SGCZ: variants seen among roughly 807,000 people sequenced by gnomAD.
The protein encoded by SGCZ is zeta-sarcoglycan.
SGCZ carries 40 observed loss-of-function variants against 41.3 expected under a neutral mutation model. The observed-to-expected ratio is 0.97, with a 90% CI of 0.75 to 1.26. The LOEUF is 1.26. Ranked by LOEUF, SGCZ falls within the 50% of genes most tolerant of loss-of-function variation. The probability of loss-of-function intolerance (pLI) is 0.00; values close to 1 mark genes in which losing one functional copy is unlikely to be tolerated. For synonymous variants in SGCZ, 206 were observed against 137.5 expected (o/e 1.50, Z -3.49); for missense variants, 552 against 369.8 (o/e 1.49, Z -4.04).
At chr8:15,053,067 C>T (rs1363731868) in intron 1 of SGCZ, among the ~76,000 whole-genome samples, 1 of 152,094 alleles carries the variant, frequency 6.6e-6, no homozygotes. Flanking sequence ...ATACTCTAAC[C>T]CAAGCTCAGT....
intron 1 of SGCZ, among the ~76,000 whole-genome samples, chr8:14,891,418 A>C (rs1183736438): frequency 6.6e-6 from 1 of 152,230 alleles, no homozygotes; most frequent in East Asian, 1.9e-4. Flanking sequence ...GAGGAGGTAG[A>C]AAATGCAAAA....
intron 5 of SGCZ, among the ~76,000 whole-genome samples, chr8:14,163,682 G>T (rs945657916): frequency 3.9e-5 from 6 of 152,034 alleles, no homozygotes; most frequent in Non-Finnish European, 4.4e-5. Context: ...ATATGGAGAG[G>T]CAGAGGCAGG....
At chr8:14,776,915 A>G (rs1800421516) in intron 1 of SGCZ, among the ~76,000 whole-genome samples, 1 of 152,238 alleles carries the variant, frequency 6.6e-6, no homozygotes, top group Non-Finnish European at 1.5e-5. Context: ...TGTTAGAACA[A>G]TCCCTTGATG....
At chr8:14,831,806 A>ATATATGTGTACACATACATG (rs1373430116) in intron 1 of SGCZ, among the ~76,000 whole-genome samples, 2 of 134,990 alleles carry the variant, frequency 1.5e-5, no homozygotes, top group Non-Finnish European at 3.2e-5. Context: ...ACATACATGT[A>ATATATGTGTACACATACATG]TATATGTGTG....
At chr8:14,200,414 A>G (rs541942897) in intron 4 of SGCZ, among the ~76,000 whole-genome samples, 1 of 152,300 alleles carries the variant, frequency 6.6e-6, no homozygotes, top group East Asian at 1.9e-4. Context: ...TTATTTTTAT[A>G]AAGAAGAACA....
chr8:14,880,143 A>G (rs1386903835), intron 1 of SGCZ, among the ~76,000 whole-genome samples: 1 of 152,014 alleles, frequency 6.6e-6, no homozygotes, highest in Non-Finnish European at 1.5e-5. Flanking sequence ...ACCTGGCCCA[A>G]AAAATCTGCA....
chr8:14,743,136 G>C (rs540058301), intron 1 of SGCZ, among the ~76,000 whole-genome samples: 11 of 152,094 alleles, frequency 7.2e-5, no homozygotes, highest in African/African-American at 2.4e-4. Context: ...TCTAAATAAA[G>C]TCATGATTAT....
At chr8:14,533,284 G>A (rs747947943) in intron 2 of SGCZ, among the ~76,000 whole-genome samples, 1 of 151,776 alleles carries the variant, frequency 6.6e-6, no homozygotes, top group South Asian at 2.1e-4. Context: ...TACATCCAAT[G>A]TACCTTTGTA....
At chr8:14,340,033 C>G (rs1166275144) in intron 2 of SGCZ, among the ~76,000 whole-genome samples, 1 of 152,098 alleles carries the variant, frequency 6.6e-6, no homozygotes, top group Admixed American at 6.5e-5. Context: ...AGCTGACAAA[C>G]AGAATGACGT....
At chr8:14,990,657 G>A (rs1360170640) in intron 1 of SGCZ, among the ~76,000 whole-genome samples, 1 of 152,014 alleles carries the variant, frequency 6.6e-6, no homozygotes, top group Non-Finnish European at 1.5e-5. Context: ...CTACATTTTG[G>A]AGAGTTGTAT....
At chr8:15,205,329 A>G (rs1160069930) in intron 1 of SGCZ, among the ~76,000 whole-genome samples, 1 of 152,206 alleles carries the variant, frequency 6.6e-6, no homozygotes, top group Non-Finnish European at 1.5e-5. Flanking sequence ...AACCTACAGA[A>G]TGGGAGAAAA....
chr8:14,772,996 T>G (rs956961499), intron 1 of SGCZ, among the ~76,000 whole-genome samples: 1 of 152,112 alleles, frequency 6.6e-6, no homozygotes, highest in African/African-American at 2.4e-5. Context: ...CCCTGAGAAA[T>G]TGCCACACTG....
intron 1 of SGCZ, among the ~76,000 whole-genome samples, chr8:14,726,562 G>A (rs1042547793): frequency 1.1e-4 from 17 of 151,738 alleles, no homozygotes; most frequent in South Asian, 1.0e-3. Context: ...TAGCAATTAT[G>A]TGTTTCCCCT....
intron 1 of SGCZ, among the ~76,000 whole-genome samples, chr8:15,003,821 C>T (rs1164587434): frequency 6.6e-6 from 1 of 152,036 alleles, no homozygotes; most frequent in Non-Finnish European, 1.5e-5. Context: ...TATTTATAAT[C>T]CCTATCTCGT....
At chr8:14,726,397 T>C (rs988584817) in intron 1 of SGCZ, among the ~76,000 whole-genome samples, 2 of 143,996 alleles carry the variant, frequency 1.4e-5, no homozygotes, top group African/African-American at 2.5e-5. Flanking sequence ...TATTTAAAAG[T>C]TACACAGGAA....
At chr8:14,841,628 G>A (rs1272514318) in intron 1 of SGCZ, among the ~76,000 whole-genome samples, 1 of 152,146 alleles carries the variant, frequency 6.6e-6, no homozygotes, top group Non-Finnish European at 1.5e-5. Flanking sequence ...TACTTGGAAT[G>A]TTATTATGTC....
chr8:14,799,201 T>C (rs942893078), intron 1 of SGCZ, among the ~76,000 whole-genome samples: 4 of 152,260 alleles, frequency 2.6e-5, no homozygotes, highest in Admixed American at 1.3e-4. Flanking sequence ...TTAGAATCCA[T>C]TTATTTCTTC....
At chr8:14,426,047 T>A (rs1469063976) in intron 2 of SGCZ, among the ~76,000 whole-genome samples, 2 of 152,162 alleles carry the variant, frequency 1.3e-5, no homozygotes, top group African/African-American at 2.4e-5. Flanking sequence ...GAATTCATTT[T>A]TTTTCTAGTA....
intron 1 of SGCZ, among the ~76,000 whole-genome samples, chr8:14,730,998 C>G (rs1292621208): frequency 6.6e-6 from 1 of 151,558 alleles, no homozygotes; most frequent in Non-Finnish European, 1.5e-5. Context: ...GAATCTAGAA[C>G]CAGAAATACC....
Sources: gnomAD v4.1 joint callset for allele counts (sites outside exome capture counted in the v4.1 genomes callset) on GRCh38, gnomAD v4.1.1 for gene constraint, MANE v1.5 for transcripts, NCBI Gene and HGNC (gene_info 2026-07-23, HGNC 2026-07-21) for gene names.